Variants in CLIC5 observed in about 807,000 individuals in gnomAD.
CLIC5 encodes the protein chloride intracellular channel protein 5.
A neutral mutation model predicts 24.7 loss-of-function variants in CLIC5; 20 were observed. That is an observed-to-expected ratio of 0.81 (90% CI 0.57 to 1.18). CLIC5 has a LOEUF of 1.18. Ranked by LOEUF, CLIC5 falls within the 50% of genes most tolerant of loss-of-function variation. CLIC5 has a pLI of 0.00. For missense variants in CLIC5, 341 were observed against 326.1 expected, an observed-to-expected ratio of 1.05 and a Z score of -0.35; for synonymous variants, 159 against 135.6, an observed-to-expected ratio of 1.17 and a Z score of -1.20.
intron 1 of CLIC5, among the ~76,000 whole-genome samples, chr6:46,011,344 G>A (rs891686318): frequency 6.6e-6 from 1 of 152,238 alleles, no homozygotes; most frequent in African/African-American, 2.4e-5. Context: ...ACCTATGTCA[G>A]CGGTGGCAGA....
At chr6:46,048,005 CT>C (rs34581798) in intron 1 of CLIC5, among the ~76,000 whole-genome samples, 4,030 of 139,100 alleles carry the variant, frequency 0.029, 187 homozygotes, top group African/African-American at 0.098. Flanking sequence ...TCCATATCTA[CT>C]TTTTTTTTTT....
At chr6:46,014,503 C>T (rs961648389) in intron 1 of CLIC5, 14 of 152,206 alleles carry the variant, frequency 9.2e-5, no homozygotes, top group Admixed American at 8.5e-4. Context: ...GAGTTTTCCC[C>T]CTTTGTGAAA....
chr6:45,910,853 G>A (rs1020193343), intron 5 of CLIC5, among the ~76,000 whole-genome samples: 4 of 152,246 alleles, frequency 2.6e-5, no homozygotes, highest in Non-Finnish European at 2.9e-5. Context: ...GGAGGAGAAG[G>A]GAGGGAGAAG....
At chr6:45,885,427 A>G (rs971883239) in intron 6 of CLIC5, among the ~76,000 whole-genome samples, 6 of 152,212 alleles carry the variant, frequency 3.9e-5, no homozygotes, top group African/African-American at 1.4e-4. Context: ...AGCAGCCCAT[A>G]CTAAATACCT....
intron 2 of CLIC5, among the ~76,000 whole-genome samples, chr6:45,953,154 C>A (rs987211716): frequency 6.6e-6 from 1 of 152,012 alleles, no homozygotes; most frequent in South Asian, 2.1e-4. Context: ...GCATCTTGGG[C>A]GAGTCTCATA....
At chr6:46,058,902 T>C (rs1468517556) in intron 1 of CLIC5, among the ~76,000 whole-genome samples, 1 of 152,220 alleles carries the variant, frequency 6.6e-6, no homozygotes, top group Non-Finnish European at 1.5e-5. Flanking sequence ...GAGAACACCA[T>C]GGCAGAGGCA....
intron 4 of CLIC5, among the ~76,000 whole-genome samples, chr6:45,935,699 C>A (rs1490466802): frequency 6.6e-6 from 1 of 152,176 alleles, no homozygotes; most frequent in Non-Finnish European, 1.5e-5. Context: ...GGTTCCTGAT[C>A]CAGTTCCCTA....
chr6:45,947,636 T>C (rs1764330985), intron 3 of CLIC5, among the ~76,000 whole-genome samples: 1 of 152,222 alleles, frequency 6.6e-6, no homozygotes, highest in South Asian at 2.1e-4. Context: ...CTTTCCTCTA[T>C]GGGTCTCCCA....
At chr6:45,945,928 G>A (rs1218614916) in intron 3 of CLIC5, among the ~76,000 whole-genome samples, 1 of 152,170 alleles carries the variant, frequency 6.6e-6, no homozygotes, top group Non-Finnish European at 1.5e-5. Flanking sequence ...TAAATAGACT[G>A]TATCAGTTTA....
At chr6:45,883,044 G>C (rs945106775) in intron 6 of CLIC5, among the ~76,000 whole-genome samples, 1 of 152,224 alleles carries the variant, frequency 6.6e-6, no homozygotes, top group African/African-American at 2.4e-5. Context: ...GAGTGGGATG[G>C]AGATTCCGAG....
At chr6:46,038,295 C>G (rs1386605949) in intron 1 of CLIC5, among the ~76,000 whole-genome samples, 1 of 152,192 alleles carries the variant, frequency 6.6e-6, no homozygotes, top group Admixed American at 6.5e-5. Context: ...TGAACTCTAA[C>G]TACAAAATCT....
intron 1 of CLIC5, among the ~76,000 whole-genome samples, chr6:46,048,343 G>T (rs562277607): frequency 6.6e-6 from 1 of 152,212 alleles, no homozygotes; most frequent in East Asian, 1.9e-4. Flanking sequence ...TTTTGTTTCT[G>T]AAGGAGGGCT....
chr6:45,958,439 T>C (rs1320753417), intron 1 of CLIC5, among the ~76,000 whole-genome samples: 6 of 12,396 alleles, frequency 4.8e-4, no homozygotes, highest in African/African-American at 1.5e-3. Context: ...TATATATATA[T>C]ATATATATAT....
At chr6:45,904,877 C>T (rs1359209921) in intron 5 of CLIC5, among the ~76,000 whole-genome samples, 1 of 151,746 alleles carries the variant, frequency 6.6e-6, no homozygotes, top group Non-Finnish European at 1.5e-5. Flanking sequence ...CTTGCCCCCT[C>T]CATCCCTCTG....
chr6:45,987,314 G>A (rs185896243), intron 1 of CLIC5, among the ~76,000 whole-genome samples: 8 of 152,258 alleles, frequency 5.3e-5, no homozygotes, highest in Admixed American at 2.6e-4. Flanking sequence ...TTAGATTCCA[G>A]TTGGTGTGCA....
chr6:45,995,157 C>T (rs1486694858), intron 1 of CLIC5, among the ~76,000 whole-genome samples: 1 of 152,180 alleles, frequency 6.6e-6, no homozygotes, highest in African/African-American at 2.4e-5. Context: ...AGGTTAGGAA[C>T]ATGTATAAGC....
intron 1 of CLIC5, among the ~76,000 whole-genome samples, chr6:46,078,350 A>G (rs1762826289): frequency 6.8e-6 from 1 of 147,878 alleles, no homozygotes; most frequent in Non-Finnish European, 1.5e-5. Flanking sequence ...ACACAGTGAG[A>G]CTCTGTCTCA....
At chr6:46,120,275 A>C in the CLIC5 span, among the ~76,000 whole-genome samples, 1 of 152,220 alleles carries the variant, frequency 6.6e-6, no homozygotes, top group South Asian at 2.1e-4. Flanking sequence ...GCTGTTCAGC[A>C]ATATTCGCTG....
Position 45,949,346 on chromosome 6 carries a change from G to T in CLIC5, c.209C>A (p.Thr70Lys). 2 of 1,613,922 alleles carry T rather than the reference G, an allele frequency of 1.2e-6. No homozygotes were observed. Among genetic ancestry groups the T allele is most frequent in the Non-Finnish European group, 1.7e-6 (2 of 1,179,878 alleles). Residue 70 changes from threonine to lysine, a missense_variant, in exon 3 of 6, where the codon ACG (threonine) becomes AAG (lysine). Coordinates refer to ENST00000339561, the MANE Select transcript of CLIC5 (RefSeq NM_016929.5). ...GTTGAAGGTCAGGAAGGGCGGGTGC[G>T]TGCCGGGGGCTAGGTTGTGCAGGTC... ...PADLHNLAPG[T>K]HPPFLTFNGD...
Sources: gnomAD v4.1 joint callset for allele counts (sites outside exome capture counted in the v4.1 genomes callset) on GRCh38, gnomAD v4.1.1 for gene constraint, MANE v1.5 for transcripts, NCBI Gene and HGNC (gene_info 2026-07-23, HGNC 2026-07-21) for gene names.